The following KMT2C variants were observed in gnomAD, a reference collection of about 807,000 sequenced individuals.
The protein encoded by KMT2C is histone-lysine N-methyltransferase 2C.
KMT2C carries 88 observed loss-of-function variants against 507.9 expected under a neutral mutation model. The ratio of observed to expected loss-of-function variants is 0.17; its 90% CI spans 0.15 to 0.21. The LOEUF (loss-of-function observed/expected upper bound fraction) is 0.21, where lower values mean the gene tolerates loss of function less well. Ranked by LOEUF, KMT2C falls within the 10% of genes least tolerant of loss-of-function variation. The pLI is 1.00. For missense variants in KMT2C, 4,954 were observed against 5,957.8 expected (o/e 0.83, Z 5.55); for synonymous variants, 2,049 against 2,080.8 (o/e 0.98, Z 0.42).
At chr7:152,173,059 AG>A (rs2093036762) in intron 39 of KMT2C, among the ~76,000 whole-genome samples, 1 of 151,120 alleles carries the variant, frequency 6.6e-6, no homozygotes. Flanking sequence ...GACATAAAAC[AG>A]TTAGGAATCT....
chr7:152,310,823 T>C (rs1394315689), intron 5 of KMT2C, among the ~76,000 whole-genome samples: 2 of 152,076 alleles, frequency 1.3e-5, no homozygotes, highest in South Asian at 2.1e-4. Flanking sequence ...TAGCTGGGAC[T>C]ACAGGCACAT....
intron 3 of KMT2C, among the ~76,000 whole-genome samples, chr7:152,327,651 A>C (rs1213136419): frequency 6.6e-6 from 1 of 152,148 alleles, no homozygotes; most frequent in Non-Finnish European, 1.5e-5. Context: ...ATCAACTAGA[A>C]TTCATTATTC....
chr7:152,431,337 G>A (rs2097860839), intron 1 of KMT2C, among the ~76,000 whole-genome samples: 1 of 152,098 alleles, frequency 6.6e-6, no homozygotes, highest in African/African-American at 2.4e-5. Flanking sequence ...GGTGTTTCAT[G>A]TCTGTAATCC....
Position 152,181,868 on chromosome 7 carries a change from G to A in KMT2C, c.5992C>T (p.Pro1998Ser), listed in dbSNP as rs2129120465. ...TGATCACTGGTTCCAGCTGCTATAG[G>A]GCCTTTTGCAGTTTGTTCTGAAACT... ...PVVSEQTAKG[P>S]IAAGTSDHFT... Residue 1998 changes from proline (P) to serine (S), a missense_variant, in exon 36 of 59, where the codon CCT becomes TCT. Pro to Ser is a moderately conservative substitution (Grantham distance 74, BLOSUM62 -1). Around this residue, in one of 29 missense-constraint regions of KMT2C, gnomAD observed 1,689 missense variants for 1,654.3 expected, o/e 1.02. Coordinates refer to ENST00000262189, the MANE Select transcript of KMT2C (RefSeq NM_170606.3). 3 of 1,614,124 alleles carry A rather than the reference G, an allele frequency of 1.9e-6. No homozygotes were observed. The highest frequency in any genetic ancestry group is 1.7e-6 in the Non-Finnish European group (2 of 1,180,024).
chr7:152,161,483 C>A (rs2092452157), intron 43 of KMT2C, among the ~76,000 whole-genome samples: 1 of 151,920 alleles, frequency 6.6e-6, no homozygotes, highest in Non-Finnish European at 1.5e-5. Flanking sequence ...AGTTTTGGAA[C>A]TATCTTAATG....
At position 152,194,459 on chromosome 7, in the gene KMT2C, T is replaced by C; in HGVS notation, c.4488A>G (p.Leu1496=). The C allele has an allele frequency of 6.2e-7, 1 of 1,613,518 alleles. No individual in the cohort carries two copies. ...EQLDGILSPE[L]DKMVTDGAIL... ...TTTTACCATCTGTGACCATTTTGTCTAGTTCAGGACTGAGGATCCCATCTA... is the reference window on the plus strand; with the variant it reads ...TTTTACCATCTGTGACCATTTTGTCCAGTTCAGGACTGAGGATCCCATCTA... Residue 1496 remains leucine, a synonymous_variant, in exon 29 of 59, where the codon CTA becomes CTG. Coordinates refer to ENST00000262189, the MANE Select transcript of KMT2C (RefSeq NM_170606.3).
At chr7:152,146,328 A>T (rs1161734547) in intron 53 of KMT2C, among the ~76,000 whole-genome samples, 2 of 152,208 alleles carry the variant, frequency 1.3e-5, no homozygotes. Flanking sequence ...CAGCACACCC[A>T]GAAGATGTGA....
intron 16 of KMT2C, among the ~76,000 whole-genome samples, chr7:152,233,840 T>G (rs1328208254): frequency 6.6e-6 from 1 of 152,190 alleles, no homozygotes; most frequent in Non-Finnish European, 1.5e-5. Flanking sequence ...GAAATAAAAT[T>G]TGTTGTTAAA....
intron 18 of KMT2C, among the ~76,000 whole-genome samples, chr7:152,229,714 A>G (rs2095049451): frequency 6.6e-6 from 1 of 152,172 alleles, no homozygotes; most frequent in Admixed American, 6.5e-5. Flanking sequence ...TTACTTTTTC[A>G]AGACAAGTAT....
intron 41 of KMT2C, among the ~76,000 whole-genome samples, chr7:152,167,590 G>C (rs1162397665): frequency 6.6e-6 from 1 of 152,190 alleles, no homozygotes; most frequent in Non-Finnish European, 1.5e-5. Flanking sequence ...GCACATTCTT[G>C]AGATACTGGT....
chr7:152,345,436 T>C (rs2097048999), intron 2 of KMT2C, among the ~76,000 whole-genome samples: 1 of 152,208 alleles, frequency 6.6e-6, no homozygotes, highest in Non-Finnish European at 1.5e-5. Context: ...AGTGAGATTC[T>C]GTCTCTAAAA....
chr7:152,246,290 A>C (rs2095471726), intron 14 of KMT2C, among the ~76,000 whole-genome samples: 1 of 152,148 alleles, frequency 6.6e-6, no homozygotes, highest in African/African-American at 2.4e-5. Flanking sequence ...CAGCCTACAA[A>C]ATACTTACAA....
intron 56 of KMT2C, 43 bp downstream of exon 56, chr7:152,139,632 G>A (rs758835390): frequency 3.1e-6 from 4 of 1,288,104 alleles, no homozygotes; most frequent in South Asian, 2.4e-5. Context: ...AAAGGGAGAG[G>A]ATGATGGTGC....
chr7:152,183,208 GGAAT>G, intron 34 of KMT2C, 52 bp from the exon 35 acceptor site: 1 of 1,352,058 alleles, frequency 7.4e-7, no homozygotes, highest in Non-Finnish European at 1.0e-6. Context: ...AATGTTTTAA[GGAAT>G]AAAATAAAAC....
intron 9 of KMT2C, among the ~76,000 whole-genome samples, chr7:152,254,109 C>T (rs1472798701): frequency 6.6e-6 from 1 of 152,082 alleles, no homozygotes; most frequent in African/African-American, 2.4e-5. Flanking sequence ...ATGCACTTAA[C>T]AACACTGATG....
chr7:152,362,659 T>G (rs1016694586), intron 1 of KMT2C, among the ~76,000 whole-genome samples: 1 of 152,190 alleles, frequency 6.6e-6, no homozygotes, highest in Non-Finnish European at 1.5e-5. Flanking sequence ...GACCCATGTT[T>G]TGCTCTACTT....
intron 6 of KMT2C, among the ~76,000 whole-genome samples, chr7:152,290,842 T>C (rs933470215): frequency 3.9e-5 from 6 of 152,256 alleles, no homozygotes; most frequent in African/African-American, 1.4e-4. Context: ...TTACATTCAG[T>C]GCTGTATCTC....
rs1223029036 is a variant in KMT2C at position 152,325,340 on chromosome 7, G to A, written c.389+5261C>T. 7.7e-3 allele frequency among the ~76,000 whole-genome samples: 1,164 copies of A among 151,590 alleles called. 12 individuals are homozygous for A. The highest frequency in any genetic ancestry group is 9.2e-3 in the Non-Finnish European group (621 of 67,778). On this transcript the variant is annotated intron_variant, in intron 3 of 58. Transcript: ENST00000262189. Reference sequence around the variant, plus strand: ...ATTTTTGTATTTTTAGTAGAGATGGGGTTTCACCATGTTGGCCAGGCTGGT... The same window carrying A: ...ATTTTTGTATTTTTAGTAGAGATGGAGTTTCACCATGTTGGCCAGGCTGGT...
At chr7:152,391,744 C>T (rs1468960357) in intron 1 of KMT2C, among the ~76,000 whole-genome samples, 1 of 152,122 alleles carries the variant, frequency 6.6e-6, no homozygotes, top group Non-Finnish European at 1.5e-5. Context: ...ACTATATTCA[C>T]CAGGCTGGTC....
Sources: allele counts gnomAD v4.1 joint callset (sites outside exome capture counted in the v4.1 genomes callset), GRCh38; gene constraint gnomAD v4.1.1; regional missense constraint gnomAD v4.1.1; transcripts MANE v1.5; gene names NCBI Gene and HGNC (gene_info 2026-07-23, HGNC 2026-07-21).